Variants in EDNRB observed in about 807,000 individuals in gnomAD.
The protein encoded by EDNRB is Hirschsprung disease 2.
EDNRB carries 18 observed loss-of-function variants against 46.4 expected under a neutral mutation model. The ratio of observed to expected loss-of-function variants is 0.39; its 90% CI spans 0.27 to 0.57. The LOEUF (loss-of-function observed/expected upper bound fraction) is 0.57. EDNRB is among the 20% of genes least tolerant of loss of function. The pLI is 0.61. For missense variants in EDNRB, 434 were observed against 537.5 expected (o/e 0.81, Z 1.90); for synonymous variants, 213 against 204.9 (o/e 1.04, Z -0.34).
At chr13:77,919,505 T>G (rs1380258465), upstream of EDNRB, 3 of 1,612,794 alleles carry the variant, frequency 1.9e-6, no homozygotes, top group Admixed American at 1.7e-5. Context: ...ACGCCTCCCT[T>G]GAGCTGCAGG....
intron 1 of EDNRB, among the ~76,000 whole-genome samples, chr13:77,926,012 T>C (rs1449602348): frequency 2.0e-5 from 3 of 152,234 alleles, no homozygotes; most frequent in Non-Finnish European, 4.4e-5. Context: ...AAGATTTGAC[T>C]GCCCTTTTGG....
intron 1 of EDNRB, among the ~76,000 whole-genome samples, chr13:77,966,436 C>T (rs1566341753): frequency 6.6e-6 from 1 of 152,136 alleles, no homozygotes; most frequent in Non-Finnish European, 1.5e-5. Context: ...TGTCTGTCTA[C>T]AATAGTTTTT....
chr13:77,923,843 T>G (rs113349754), upstream of EDNRB, among the ~76,000 whole-genome samples: 1,214 of 151,292 alleles, frequency 8.0e-3, 15 homozygotes, highest in African/African-American at 0.027. Flanking sequence ...GCTAGGAGAG[T>G]CCAAAAAGGA....
At chr13:77,969,420 G>T (rs1537066) in intron 1 of EDNRB, among the ~76,000 whole-genome samples, 149,694 of 152,252 alleles carry the variant, frequency 0.98, 73,652 homozygotes, top group Middle Eastern at 1. Context: ...CGACAGGAGT[G>T]TGGTACAATT....
intron 1 of EDNRB, among the ~76,000 whole-genome samples, chr13:77,958,425 C>T (rs968477006): frequency 2.0e-5 from 3 of 151,896 alleles, no homozygotes; most frequent in Non-Finnish European, 2.9e-5. Context: ...CAGGCTGGAG[C>T]GCAGTGGTGC....
intron 1 of EDNRB, among the ~76,000 whole-genome samples, chr13:77,912,902 C>T (rs1391903670): frequency 6.6e-6 from 1 of 152,068 alleles, no homozygotes; most frequent in East Asian, 1.9e-4. Flanking sequence ...AAATTAGACT[C>T]CTCTCCCAAT....
intron 3 of EDNRB, among the ~76,000 whole-genome samples, chr13:77,901,472 T>C (rs1441631821): frequency 2.0e-5 from 3 of 152,010 alleles, no homozygotes; most frequent in Non-Finnish European, 4.4e-5. Flanking sequence ...TTAGGCAAAA[T>C]TTGAAATATT....
At chr13:77,960,832 G>T (rs1881387541) in intron 1 of EDNRB, among the ~76,000 whole-genome samples, 1 of 147,894 alleles carries the variant, frequency 6.8e-6, no homozygotes, top group Admixed American at 6.9e-5. Context: ...CAAAATAAAG[G>T]GATGGAGGAA....
chr13:77,938,881 C>T (rs903594852), intron 1 of EDNRB, among the ~76,000 whole-genome samples: 6 of 152,078 alleles, frequency 3.9e-5, no homozygotes, highest in Non-Finnish European at 5.9e-5. Context: ...TCTGAGGACC[C>T]GAGGTCATAG....
At chr13:77,900,979 T>TATCATC in intron 4 of EDNRB, 79 bp downstream of exon 4, 2 of 1,532,676 alleles carry the variant, frequency 1.3e-6, no homozygotes. Context: ...AATGTTAGTT[T>TATCATC]ATCATCATCA....
chr13:77,953,269 A>G (rs1293350325), intron 1 of EDNRB, among the ~76,000 whole-genome samples: 1 of 152,182 alleles, frequency 6.6e-6, no homozygotes, highest in African/African-American at 2.4e-5. Flanking sequence ...AACTGACATT[A>G]TTAAGTTGGT....
At chr13:77,955,378 A>C (rs2137678349) in intron 1 of EDNRB, among the ~76,000 whole-genome samples, 1 of 152,282 alleles carries the variant, frequency 6.6e-6, no homozygotes, top group Non-Finnish European at 1.5e-5. Context: ...GTAATCCCTT[A>C]TCAGATATAT....
chr13:77,901,353 C>A, intron 3 of EDNRB, 146 bp from the exon 4 acceptor site: 1 of 868,480 alleles, frequency 1.2e-6, no homozygotes, highest in Non-Finnish European at 1.8e-6. Flanking sequence ...ATCTTTCAGG[C>A]CACACTTACT....
At chr13:77,966,622 G>A (rs1356759622) in intron 1 of EDNRB, among the ~76,000 whole-genome samples, 1 of 152,096 alleles carries the variant, frequency 6.6e-6, no homozygotes, top group Admixed American at 6.5e-5. Flanking sequence ...TAAAAACGTG[G>A]GAGAAATATC....
rs1316732332 is a variant in EDNRB, at chr13:77,897,770, T to G, written c.*430A>C. 2.0e-6 allele frequency: 2 copies of G among 985,854 alleles called. No individual in the cohort carries two copies. The highest frequency in any genetic ancestry group is 2.4e-6 in the Non-Finnish European group (2 of 828,464). The allele number at this position is 985,854 out of a possible 1,614,324, so 61.1% of individuals were successfully genotyped here. Reference sequence around the variant, plus strand: ...TTTAAAGGATTTTAAAATTTTAAATTGAGTAATTTAAGCTTCATTTAAAAG... The same window carrying G: ...TTTAAAGGATTTTAAAATTTTAAATGGAGTAATTTAAGCTTCATTTAAAAG... On this transcript the variant is annotated 3_prime_UTR_variant, in exon 7 of 7. Transcript: ENST00000646607.
rs763914492 is a variant in EDNRB at position 77,903,506 on chromosome 13, C to G, written c.585G>C (p.Leu195=). The G allele has an allele frequency of 4.3e-6, 7 of 1,612,844 alleles. No homozygotes were observed. The highest frequency in any genetic ancestry group is 5.9e-6 in the Non-Finnish European group (7 of 1,179,258). ...VGITVLSLCA[L]SIDRYRAVAS... ...ATAGAAGCTTCTACCTGTCAATACT[C>G]AGAGCACATAGACTCAGCACAGTGA... The change falls in exon 2 of 7, where the codon CTG becomes CTC. Residue 195 remains leucine, a synonymous_variant. Transcript: ENST00000646607.
Position 77,897,271 on chromosome 13 carries a change from G to A in EDNRB, c.*929C>T. 2 of 985,142 alleles carry A rather than the reference G, an allele frequency of 2.0e-6. No homozygotes were observed. Among genetic ancestry groups the A allele is most frequent in the Non-Finnish European group, 2.4e-6 (2 of 829,834 alleles). The allele number at this position is 985,142 out of a possible 1,614,324, so 61.0% of individuals were successfully genotyped here. On this transcript the variant is annotated 3_prime_UTR_variant, in exon 7 of 7. Coordinates refer to ENST00000646607, the MANE Select transcript of EDNRB (RefSeq NM_001122659.3). ...TGTATGTAGGTAAGTATTTACAGAT[G>A]ACAAAACCAAACAGAGTTTAAGCTA...
At chr13:77,933,126 G>T (rs1880449418) in intron 1 of EDNRB, among the ~76,000 whole-genome samples, 1 of 152,156 alleles carries the variant, frequency 6.6e-6, no homozygotes, top group East Asian at 1.9e-4. Flanking sequence ...TAAGATACTA[G>T]CAACTCATAT....
intron 3 of EDNRB, 110 bp downstream of exon 3, chr13:77,903,046 C>A (rs892381661): frequency 4.2e-6 from 5 of 1,179,746 alleles, no homozygotes; most frequent in Non-Finnish European, 6.1e-6. Context: ...TTAATTTATG[C>A]CAAGGACAGT....
Sources: allele counts gnomAD v4.1 joint callset (sites outside exome capture counted in the v4.1 genomes callset), GRCh38; gene constraint gnomAD v4.1.1; transcripts MANE v1.5; gene names NCBI Gene and HGNC (gene_info 2026-07-23, HGNC 2026-07-21).